The following RIMS1 variants were observed in gnomAD, a reference collection of about 807,000 sequenced individuals.
RIMS1 encodes regulating synaptic membrane exocytosis protein 1.
RIMS1 carries 83 observed loss-of-function variants against 214.1 expected under a neutral mutation model. The observed-to-expected ratio is 0.39, with a 90% confidence interval of 0.32 to 0.47. RIMS1 has a LOEUF of 0.47. Among genes scored for constraint, RIMS1 ranks in the 20% least tolerant of loss-of-function variants. RIMS1 has a pLI of 0.99. For missense variants in RIMS1, 2,050 were observed against 2,161.8 expected (o/e 0.95, Z 1.03); for synonymous variants, 793 against 786.8 (o/e 1.01, Z -0.13).
chr6:72,288,910 G>A (rs953661534), intron 24 of RIMS1, among the ~76,000 whole-genome samples: 1 of 152,102 alleles, frequency 6.6e-6, no homozygotes, highest in Non-Finnish European at 1.5e-5. Flanking sequence ...TGTGCTAAAC[G>A]ATTAACCTCA....
At chr6:71,965,929 T>C (rs1172802410) in intron 1 of RIMS1, among the ~76,000 whole-genome samples, 1 of 152,164 alleles carries the variant, frequency 6.6e-6, no homozygotes, top group Non-Finnish European at 1.5e-5. Flanking sequence ...GAAATATCAT[T>C]GTTGTGTCTC....
intron 6 of RIMS1, among the ~76,000 whole-genome samples, chr6:72,206,750 G>T (rs2052985716): frequency 6.6e-6 from 1 of 152,158 alleles, no homozygotes; most frequent in Non-Finnish European, 1.5e-5. Flanking sequence ...ATTGACTGGG[G>T]TTACTTTTAG....
Position 72,253,200 on chromosome 6 carries a change from C to T in RIMS1, c.2770+368C>T, listed in dbSNP as rs1347028887. ...TGCATTTCTATGATTTTCCTTCCACCATTTCTGAAAATAATGTAGCCCTCC... is the reference window on the plus strand; with the variant it reads ...TGCATTTCTATGATTTTCCTTCCACTATTTCTGAAAATAATGTAGCCCTCC... On this transcript the variant is annotated intron_variant, in intron 16 of 33. Coordinates refer to ENST00000521978, the MANE Select transcript of RIMS1 (RefSeq NM_014989.7). Among the ~76,000 whole-genome samples, 3 of 152,048 alleles carry T rather than the reference C, an allele frequency of 2.0e-5. No individual in the cohort carries two copies. In the East Asian group the frequency reaches 5.8e-4, roughly 29 times the overall value.
At chr6:72,004,034 A>T in intron 2 of RIMS1, among the ~76,000 whole-genome samples, 1 of 89,824 alleles carries the variant, frequency 1.1e-5, no homozygotes, top group Non-Finnish European at 2.0e-5. Context: ...CCCACCCCAA[A>T]ACAGTCCCCA....
rs1166842039 is a variant in RIMS1, at chr6:72,155,990, G to GA, written c.472-23578dup. Reference sequence around the variant, plus strand: ...TAACAAGTGTTGGTGAGGATATGGAGAAAAAAATAACACTTATACCCTGTT... The same window carrying GA: ...TAACAAGTGTTGGTGAGGATATGGAGAAAAAAAATAACACTTATACCCTGTT... On this transcript the variant is annotated intron_variant, in intron 4 of 33. Transcript: ENST00000521978. The GA allele has an allele frequency of 1.1e-4, 28 of 260,254 alleles. 1 individual carries two copies. The highest frequency in any genetic ancestry group is 8.8e-4 in the South Asian group (26 of 29,644). The allele number at this position is 260,254 out of a possible 1,614,324, so 16.1% of individuals were successfully genotyped here.
At chr6:72,010,121 G>T (rs1163850793) in intron 2 of RIMS1, among the ~76,000 whole-genome samples, 1 of 152,088 alleles carries the variant, frequency 6.6e-6, no homozygotes, top group South Asian at 2.1e-4. Context: ...ACATCAAAAA[G>T]CTTATCCACC....
intron 6 of RIMS1, among the ~76,000 whole-genome samples, chr6:72,221,568 C>T (rs1425912142): frequency 6.6e-6 from 1 of 151,802 alleles, no homozygotes; most frequent in Non-Finnish European, 1.5e-5. Context: ...ATATTTCAAA[C>T]GTGAATAATA....
chr6:72,201,993 C>T (rs80262013), intron 6 of RIMS1, among the ~76,000 whole-genome samples: 83 of 152,302 alleles, frequency 5.4e-4, no homozygotes, highest in Non-Finnish European at 1.0e-3. Flanking sequence ...CTTATTCATA[C>T]CTCGTGGGGC....
chr6:71,992,450 C>CTT (rs762623144), intron 2 of RIMS1, among the ~76,000 whole-genome samples: 11 of 99,250 alleles, frequency 1.1e-4, no homozygotes, highest in East Asian at 2.7e-4. Context: ...TTCTTTCTTT[C>CTT]TCTTTCTCTT....
chr6:72,251,352 T>C lies in RIMS1; in HGVS notation c.2682T>C (p.Ser894=). 6.3e-7 allele frequency: 1 copy of C among 1,594,364 alleles called. No individual in the cohort carries two copies. Among genetic ancestry groups the C allele is most frequent in the Middle Eastern group, 1.7e-4 (1 of 6,020 alleles). The change falls in exon 15 of 34, where the codon TCT becomes TCC. Residue 894 remains serine, a synonymous_variant. Coordinates refer to ENST00000521978, the MANE Select transcript of RIMS1 (RefSeq NM_014989.7). ...GGCGACATATTCATGGAGAAAGCTC[T>C]AGCAAAAAGCTACAAAGTAGGTTAA... is the stretch of plus-strand genomic sequence containing the variant. The part of the protein sequence containing the change: ...MPRRHIHGES[S]SKKLQRSQRI...
At chr6:72,298,168 A>G (rs762759886) in intron 26 of RIMS1, among the ~76,000 whole-genome samples, 4 of 151,972 alleles carry the variant, frequency 2.6e-5, no homozygotes, top group Non-Finnish European at 5.9e-5. Context: ...GAACCAGTCT[A>G]TTAATTTTAC....
At chr6:72,352,934 G>T (rs976678706) in intron 29 of RIMS1, among the ~76,000 whole-genome samples, 10 of 151,140 alleles carry the variant, frequency 6.6e-5, no homozygotes, top group Non-Finnish European at 1.2e-4. Flanking sequence ...AACTTGAAAA[G>T]GCTTTCATTA....
At chr6:72,329,256 T>C (rs2154335206) in intron 28 of RIMS1, among the ~76,000 whole-genome samples, 1 of 151,890 alleles carries the variant, frequency 6.6e-6, no homozygotes, top group East Asian at 1.9e-4. Context: ...TATCAGAACA[T>C]AATTCTCCAA....
At chr6:72,046,910 G>T (rs2152116295) in intron 2 of RIMS1, among the ~76,000 whole-genome samples, 1 of 152,050 alleles carries the variant, frequency 6.6e-6, no homozygotes, top group African/African-American at 2.4e-5. Context: ...CCCAAAGAAT[G>T]CTTTTTGTTT....
Position 72,146,605 on chromosome 6 carries a change from C to A in RIMS1, c.472-32970C>A, listed in dbSNP as rs561553305. Among the ~76,000 whole-genome samples, 43 of 152,200 alleles carry A rather than the reference C, an allele frequency of 2.8e-4. No individual in the cohort carries two copies. The South Asian group carries it at 8.9e-3, about 32-fold the overall frequency. ...ACCAAATTGAAAAACCAAATAATAA[C>A]CTTTTGAATTTAGTCAATATGTTCA... On this transcript the variant is annotated intron_variant, in intron 4 of 33. Transcript: ENST00000521978.
chr6:72,012,788 A>T (rs1393549022), intron 2 of RIMS1, among the ~76,000 whole-genome samples: 2 of 152,212 alleles, frequency 1.3e-5, no homozygotes, highest in Non-Finnish European at 2.9e-5. Flanking sequence ...CTAGAGAATC[A>T]CATGACTTAA....
intron 28 of RIMS1, among the ~76,000 whole-genome samples, chr6:72,332,943 G>T (rs980015064): frequency 1.2e-4 from 18 of 151,986 alleles, no homozygotes; most frequent in African/African-American, 4.3e-4. Flanking sequence ...CATCATGCGA[G>T]TGTGAGGCAC....
intron 16 of RIMS1, among the ~76,000 whole-genome samples, chr6:72,256,006 CAG>C (rs1461867336): frequency 1.8e-5 from 2 of 114,140 alleles, no homozygotes; most frequent in African/African-American, 3.4e-5. Flanking sequence ...GCCTGGGTGA[CAG>C]AGCGAGACTC....
At position 72,024,932 on chromosome 6, in the gene RIMS1, G is replaced by A. The variant is rs1462756307; in HGVS notation, c.245+55869G>A. 3.2e-5 allele frequency among the ~76,000 whole-genome samples: 4 copies of A among 123,516 alleles called. No homozygotes were observed. In the East Asian group the frequency reaches 9.3e-4, roughly 29 times the overall value. 81.0% of individuals were successfully genotyped at this position (123,516 alleles called of 152,430 possible). A position where few individuals can be genotyped will look rare whatever the true frequency, so the allele number is the denominator to read the frequency against. On this transcript the variant is annotated intron_variant, in intron 2 of 33. Coordinates refer to ENST00000521978, the MANE Select transcript of RIMS1 (RefSeq NM_014989.7). ...TTTTTTTTTTTTTTTTTGAGGCAGA[G>A]TCTCTCTGTTGCCCAGCCTGGAGTG... is the stretch of plus-strand genomic sequence containing the variant.
Sources: gnomAD v4.1 joint callset for allele counts (sites outside exome capture counted in the v4.1 genomes callset) on GRCh38, gnomAD v4.1.1 for gene constraint, MANE v1.5 for transcripts, NCBI Gene and HGNC (gene_info 2026-07-23, HGNC 2026-07-21) for gene names.